TCP11L1: variants seen among roughly 807,000 people sequenced by gnomAD.
TCP11L1 encodes the protein t-complex 11 like 1.
In TCP11L1, 28 loss-of-function variants were observed where a neutral mutation model predicts 48.9. The ratio of observed to expected loss-of-function variants is 0.57; its 90% CI spans 0.42 to 0.78. The LOEUF is 0.78. Ranked by LOEUF, TCP11L1 falls within the 30% of genes least tolerant of loss-of-function variation. TCP11L1 has a pLI of 0.00. For missense variants in TCP11L1, 505 were observed against 613.4 expected (o/e 0.82, Z 1.87); for synonymous variants, 204 against 231.9 (o/e 0.88, Z 1.09).
chr11:33,068,917 T>TCCATCTGA, intron 9 of TCP11L1, 58 bp downstream of exon 9: 1 of 1,572,892 alleles, frequency 6.4e-7, no homozygotes, highest in South Asian at 1.2e-5. Flanking sequence ...GGAGCACGAG[T>TCCATCTGA]CCATCTGAAG....
At chr11:33,060,829 C>A (rs1001281424) in intron 6 of TCP11L1, among the ~76,000 whole-genome samples, 1 of 152,180 alleles carries the variant, frequency 6.6e-6, no homozygotes, top group Non-Finnish European at 1.5e-5. Context: ...CTATCTGTCT[C>A]TAGAGCTGGA....
chr11:33,072,672 C>G lies in TCP11L1; in HGVS notation c.1526C>G (p.Ser509Cys), dbSNP rs1299949546. ...DAILSKILVRS is the reference protein window; with the variant it reads ...DAILSKILVRC The stretch of plus-strand genomic sequence containing the variant: ...ATCCTGAGTAAGATCCTCGTCCGAT[C>G]CTAACGTGTATGCACCCTACAGCAG... The change falls in exon 10 of 10, where the codon TCC becomes TGC. Residue 509 changes from serine (S) to cysteine (C), a missense_variant. Around this residue, in one of 3 missense-constraint regions of TCP11L1, gnomAD observed 335 missense variants for 413.3 expected, o/e 0.81. Transcript: ENST00000334274. The G allele has an allele frequency of 6.2e-7, 1 of 1,614,168 alleles. No homozygotes were observed. The highest frequency in any genetic ancestry group is 1.1e-5 in the South Asian group (1 of 91,080).
chr11:33,067,803 G>A (rs768213764), intron 8 of TCP11L1, among the ~76,000 whole-genome samples: 1 of 152,094 alleles, frequency 6.6e-6, no homozygotes, highest in Non-Finnish European at 1.5e-5. Context: ...CCAGCATGGG[G>A]GCTCCCCACA....
rs778687774 is a variant in TCP11L1, at chr11:33,072,682, A to C, written c.*6A>C. 6.2e-7 allele frequency: 1 copy of C among 1,614,094 alleles called. No individual in the cohort carries two copies. The highest frequency in any genetic ancestry group is 8.5e-7 in the Non-Finnish European group (1 of 1,179,988). On this transcript the variant is annotated 3_prime_UTR_variant, in exon 10 of 10. Transcript: ENST00000334274. ...AGATCCTCGTCCGATCCTAACGTGT[A>C]TGCACCCTACAGCAGCAGTATTACT...
chr11:33,058,890 T>C (rs765695624), intron 5 of TCP11L1, 69 bp from the exon 6 acceptor site: 204 of 1,565,960 alleles, frequency 1.3e-4, no homozygotes, highest in Non-Finnish European at 1.7e-4. Context: ...GCCACGCGTC[T>C]GGTCCTCTTT....
chr11:33,058,588 A>G (rs12283951), intron 5 of TCP11L1, among the ~76,000 whole-genome samples: 58,808 of 151,556 alleles, frequency 0.39, 11,550 homozygotes, highest in East Asian at 0.45. Flanking sequence ...AAAAGTAAAA[A>G]GAAGACATTT....
At chr11:33,051,066 C>T (rs552261561) in intron 2 of TCP11L1, among the ~76,000 whole-genome samples, 19 of 152,308 alleles carry the variant, frequency 1.2e-4, no homozygotes, top group African/African-American at 3.6e-4. Flanking sequence ...GCACCTTGGC[C>T]TCCCAAAGGG....
chr11:33,055,705 C>T (rs149282289), intron 3 of TCP11L1, among the ~76,000 whole-genome samples: 1 of 152,314 alleles, frequency 6.6e-6, no homozygotes, highest in Admixed American at 6.5e-5. Flanking sequence ...CCACAAGAAG[C>T]TTCTAAATAT....
In TCP11L1 at chr11:33,072,912, T is replaced by G. The variant is rs146432129; in HGVS notation, c.*236T>G. ...TACAAATCAAAGAAGCATTTTGTTC[T>G]CGAGTTTTACAGGTAACACTCAGCT... On this transcript the variant is annotated 3_prime_UTR_variant, in exon 10 of 10. Transcript: ENST00000334274. The G allele has an allele frequency of 1.1e-3, 587 of 534,610 alleles. 1 individual carries two copies. Among genetic ancestry groups the G allele is most frequent in the African/African-American group, 9.5e-3 (500 of 52,546 alleles). The allele number at this position is 534,610 out of a possible 1,614,324, so 33.1% of individuals were successfully genotyped here. A position where few individuals can be genotyped will look rare whatever the true frequency, so the allele number is the denominator to read the frequency against.
At chr11:33,041,598 A>G (rs1188786796) in intron 1 of TCP11L1, among the ~76,000 whole-genome samples, 1 of 152,024 alleles carries the variant, frequency 6.6e-6, no homozygotes, top group Non-Finnish European at 1.5e-5. Context: ...TAAAAATACG[A>G]AAATTAGCGA....
In TCP11L1 at chr11:33,065,955, C is replaced by T. The variant is rs780210295; in HGVS notation, c.1098C>T (p.Asp366=). The T allele has an allele frequency of 1.5e-5, 24 of 1,614,072 alleles. No homozygotes were observed. In the East Asian group the frequency reaches 5.1e-4, roughly 34 times the overall value. Residue 366 remains aspartate (D), a synonymous_variant, in exon 8 of 10, where the codon GAC becomes GAT. Transcript: ENST00000334274. ...MAAPGISSQA[D]FAEKLKMIVK... is the part of the protein sequence containing the mutation. ...CGCCAGGAATTTCCAGCCAGGCCGA[C>T]TTTGCTGAGAAACTCAAGATGATTG...
chr11:33,065,041 A>G (rs1323974045), intron 7 of TCP11L1, among the ~76,000 whole-genome samples: 1 of 152,206 alleles, frequency 6.6e-6, no homozygotes, highest in Non-Finnish European at 1.5e-5. Flanking sequence ...TTTCCATTTG[A>G]AAACTGGGAC....
chr11:33,047,875 G>A (rs1470541472), intron 2 of TCP11L1, among the ~76,000 whole-genome samples: 8 of 152,206 alleles, frequency 5.3e-5, no homozygotes, highest in Admixed American at 5.2e-4. Context: ...CTGTTTGGGT[G>A]ACAGTTGCAA....
chr11:33,044,106 G>A, intron 2 of TCP11L1, 170 bp downstream of exon 2: 1 of 583,282 alleles, frequency 1.7e-6, no homozygotes, highest in Non-Finnish European at 2.8e-6. Flanking sequence ...AGCTACTTGT[G>A]GATTTTCAAT....
chr11:33,063,189 A>G (rs114434950), intron 7 of TCP11L1, among the ~76,000 whole-genome samples: 2,388 of 152,306 alleles, frequency 0.016, 70 homozygotes, highest in African/African-American at 0.053. Context: ...GCTGAATAAT[A>G]TATTTTACTG....
At chr11:33,049,077 C>T (rs1854080500) in intron 2 of TCP11L1, among the ~76,000 whole-genome samples, 1 of 152,116 alleles carries the variant, frequency 6.6e-6, no homozygotes, top group African/African-American at 2.4e-5. Context: ...TGGTGAAACC[C>T]TGTCTCTACT....
chr11:33,069,379 TA>T (rs1831667418), intron 9 of TCP11L1, among the ~76,000 whole-genome samples: 1 of 151,662 alleles, frequency 6.6e-6, no homozygotes, highest in South Asian at 2.1e-4. Context: ...CTTAAAATGG[TA>T]ATATTAAGAT....
Position 33,068,838 on chromosome 11 carries a change from G to T in TCP11L1, c.1306G>T (p.Asp436Tyr). Reference sequence around the variant, plus strand: ...GATCCAGGCCGTGGCCAGTCCCGATGACCCCATTCGCAGGATCATGGGTAC... The same window carrying T: ...GATCCAGGCCGTGGCCAGTCCCGATTACCCCATTCGCAGGATCATGGGTAC... ...GQIQAVASPD[D>Y]PIRRIMESRI... Residue 436 changes from aspartate (D) to tyrosine (Y), a missense_variant, in exon 9 of 10, where the codon GAC becomes TAC. Coordinates refer to ENST00000334274, the MANE Select transcript of TCP11L1 (RefSeq NM_018393.4). 1 of 1,613,634 alleles carries T rather than the reference G, an allele frequency of 6.2e-7. No individual in the cohort carries two copies. The highest frequency in any genetic ancestry group is 8.5e-7 in the Non-Finnish European group (1 of 1,179,606).
intron 1 of TCP11L1, among the ~76,000 whole-genome samples, chr11:33,041,752 TCC>T (rs71456167): frequency 0.014 from 2,133 of 147,530 alleles, 54 homozygotes; most frequent in African/African-American, 0.047. Context: ...CAAGAGTCTG[TCC>T]CCAAAAAAAA....
Sources: gnomAD v4.1 joint callset for allele counts (sites outside exome capture counted in the v4.1 genomes callset) on GRCh38, gnomAD v4.1.1 for gene constraint, gnomAD v4.1.1 regional missense constraint, MANE v1.5 for transcripts, NCBI Gene and HGNC (gene_info 2026-07-23, HGNC 2026-07-21) for gene names.